Variants in ULK2 observed in about 807,000 individuals in gnomAD.
ULK2 encodes serine/threonine-protein kinase ULK2.
ULK2 carries 76 observed loss-of-function variants against 127.5 expected under a neutral mutation model. The ratio of observed to expected loss-of-function variants is 0.60; its 90% CI spans 0.50 to 0.72. The LOEUF (loss-of-function observed/expected upper bound fraction) is 0.72. Ranked by LOEUF, ULK2 falls within the 30% of genes least tolerant of loss-of-function variation. The probability of loss-of-function intolerance (pLI) is 0.00; values close to 1 mark genes in which losing one functional copy is unlikely to be tolerated. For missense variants in ULK2, 1,144 were observed against 1,295.9 expected, an observed-to-expected ratio of 0.88 and a Z score of 1.80; for synonymous variants, 452 against 461.9, an observed-to-expected ratio of 0.98 and a Z score of 0.28.
intron 3 of ULK2, among the ~76,000 whole-genome samples, chr17:19,852,037 T>C (rs1384086917): frequency 1.1e-4 from 9 of 81,146 alleles, no homozygotes; most frequent in Admixed American, 3.8e-4. Context: ...AGAATGAGAC[T>C]CCATCTCAAA....
chr17:19,825,812 C>A (rs2041275521), intron 11 of ULK2, among the ~76,000 whole-genome samples: 1 of 151,076 alleles, frequency 6.6e-6, no homozygotes, highest in Admixed American at 6.6e-5. Context: ...CATGGAGAAA[C>A]CCCATCTCTA....
chr17:19,860,435 T>G (rs8066104), intron 3 of ULK2, among the ~76,000 whole-genome samples: 2,259 of 152,238 alleles, frequency 0.015, 55 homozygotes, highest in African/African-American at 0.052. Flanking sequence ...TACCCCTTGA[T>G]GAACAATTTC....
At chr17:19,849,092 T>G (rs1284364216) in intron 5 of ULK2, among the ~76,000 whole-genome samples, 1 of 152,166 alleles carries the variant, frequency 6.6e-6, no homozygotes, top group Non-Finnish European at 1.5e-5. Context: ...TCTATCGGGT[T>G]TCTCCTCTCC....
chr17:19,799,224 A>G (rs1353200861), intron 17 of ULK2, among the ~76,000 whole-genome samples: 1 of 152,098 alleles, frequency 6.6e-6, no homozygotes, highest in African/African-American at 2.4e-5. Context: ...CACTCCATAA[A>G]TAAATTTCAT....
intron 13 of ULK2, among the ~76,000 whole-genome samples, chr17:19,811,735 C>CTTTGAAA (rs2087645665): frequency 6.6e-6 from 1 of 152,146 alleles, no homozygotes; most frequent in Non-Finnish European, 1.5e-5. Flanking sequence ...AGCCACTGAA[C>CTTTGAAA]CTGGCCTCAA....
chr17:19,791,724 G>A (rs1192421528), intron 20 of ULK2, among the ~76,000 whole-genome samples: 1 of 151,656 alleles, frequency 6.6e-6, no homozygotes, highest in Non-Finnish European at 1.5e-5. Context: ...CAGGCATGGT[G>A]GTACACACCT....
At chr17:19,799,892 G>C (rs1202019615) in intron 16 of ULK2, among the ~76,000 whole-genome samples, 1 of 152,208 alleles carries the variant, frequency 6.6e-6, no homozygotes, top group Admixed American at 6.5e-5. Context: ...AAAGTGTCCG[G>C]GCTTGTGGAG....
chr17:19,859,657 A>T (rs2042202395), intron 3 of ULK2, among the ~76,000 whole-genome samples: 1 of 152,176 alleles, frequency 6.6e-6, no homozygotes, highest in South Asian at 2.1e-4. Context: ...AAAATAGGAA[A>T]CACTCCAAAT....
intron 8 of ULK2, 107 bp from the exon 9 acceptor site, chr17:19,841,654 G>T: frequency 1.2e-6 from 1 of 804,122 alleles, no homozygotes. Flanking sequence ...GGGAGTGGGA[G>T]TTTCAAGGAA....
chr17:19,836,788 C>A (rs1198917814), intron 10 of ULK2, among the ~76,000 whole-genome samples: 1 of 151,526 alleles, frequency 6.6e-6, no homozygotes, highest in Non-Finnish European at 1.5e-5. Context: ...CGCCTGTAAT[C>A]CCAGCTACTC....
In ULK2 at chr17:19,846,726, T is replaced by C. The variant is rs774517384; in HGVS notation, c.469+11A>G. 2.5e-6 allele frequency: 4 copies of C among 1,590,900 alleles called. No homozygotes were observed. The highest frequency in any genetic ancestry group is 1.2e-5 in the South Asian group (1 of 86,116). ...AATGTCCTTTCCATGACACAATACATGGCCATTTACCTATTTTGATGCGAA... is the reference window on the plus strand; with the variant it reads ...AATGTCCTTTCCATGACACAATACACGGCCATTTACCTATTTTGATGCGAA... On this transcript the variant is annotated intron_variant, in intron 6 of 26. Coordinates refer to ENST00000395544, the MANE Select transcript of ULK2 (RefSeq NM_014683.4).
chr17:19,859,364 A>C (rs1338754917), intron 3 of ULK2, among the ~76,000 whole-genome samples: 2 of 151,348 alleles, frequency 1.3e-5, no homozygotes, highest in African/African-American at 4.9e-5. Flanking sequence ...AAATACAAAA[A>C]CAAAATTATC....
At chr17:19,821,711 A>AT (rs555226333) in intron 12 of ULK2, among the ~76,000 whole-genome samples, 54 of 151,820 alleles carry the variant, frequency 3.6e-4, no homozygotes, top group Non-Finnish European at 6.8e-4. Flanking sequence ...CTTTATTTCC[A>AT]TTTTTTTTAA....
intron 3 of ULK2, among the ~76,000 whole-genome samples, chr17:19,852,971 C>T: frequency 6.6e-6 from 1 of 151,886 alleles, no homozygotes; most frequent in East Asian, 1.9e-4. Flanking sequence ...GTCAAAATAA[C>T]ATGAGTAGGT....
rs1335686583 is a variant in ULK2, at chr17:19,867,853, AACCCGCACCG to A, written c.-446_-437del. ...GCGACGGCGACGGCCGCCGCCCTAG[AACCCGCACCG>A]CCGCGGCCCCGCGCTTCCCCGCCTC... On this transcript the variant is annotated 5_prime_UTR_variant, in exon 1 of 27. Coordinates refer to ENST00000395544, the MANE Select transcript of ULK2 (RefSeq NM_014683.4). 1 of 150,766 alleles carries A rather than the reference AACCCGCACCG, an allele frequency of 6.6e-6. No homozygotes were observed. The highest frequency in any genetic ancestry group is 6.6e-5 in the Admixed American group (1 of 15,140). 9.3% of individuals were successfully genotyped at this position (150,766 alleles called of 1,614,324 possible).
chr17:19,793,434 C>T (rs148441870), intron 20 of ULK2, among the ~76,000 whole-genome samples: 2,398 of 152,284 alleles, frequency 0.016, 28 homozygotes, highest in Non-Finnish European at 0.025. Context: ...GGTGCTGCGA[C>T]CACTGAATAG....
chr17:19,785,928 G>A lies in ULK2; in HGVS notation c.2251+9C>T. On this transcript the variant is annotated intron_variant, in intron 21 of 26. Transcript: ENST00000395544. ...AGCCAAAGACTGTAATATAACAAAT[G>A]CTCCTTACCTGAGGTTGTTCTTGTT... 1.3e-6 allele frequency: 2 copies of A among 1,594,208 alleles called. No individual in the cohort carries two copies. The highest frequency in any genetic ancestry group is 8.5e-7 in the Non-Finnish European group (1 of 1,172,152).
chr17:19,796,588 A>G (rs1567683029), intron 18 of ULK2, among the ~76,000 whole-genome samples: 1 of 152,204 alleles, frequency 6.6e-6, no homozygotes, highest in Non-Finnish European at 1.5e-5. Context: ...CTGGCCTTTA[A>G]TCATCCATGC....
At chr17:19,841,669 C>A in intron 8 of ULK2, 122 bp from the exon 9 acceptor site, 1 of 660,440 alleles carries the variant, frequency 1.5e-6, no homozygotes, top group Non-Finnish European at 2.4e-6. Context: ...AAGGAAGGGA[C>A]TGCTGACAGG....
Sources: allele counts gnomAD v4.1 joint callset (sites outside exome capture counted in the v4.1 genomes callset), GRCh38; gene constraint gnomAD v4.1.1; transcripts MANE v1.5; gene names NCBI Gene and HGNC (gene_info 2026-07-23, HGNC 2026-07-21).